Variants in ITGAV observed in about 807,000 individuals in gnomAD.
ITGAV encodes integrin alpha-V.
Under a neutral mutation model 143.8 loss-of-function variants are expected in ITGAV, and 76 were observed. The observed-to-expected ratio is 0.53, with a 90% confidence interval of 0.44 to 0.64. The LOEUF is 0.64. Ranked by LOEUF, ITGAV falls within the 30% of genes least tolerant of loss-of-function variation. The probability of loss-of-function intolerance (pLI) is 0.00; values close to 1 mark genes in which losing one functional copy is unlikely to be tolerated. For synonymous variants in ITGAV, 453 were observed against 446.7 expected, an observed-to-expected ratio of 1.01 and a Z score of -0.18; for missense variants, 1,193 against 1,274.7, an observed-to-expected ratio of 0.94 and a Z score of 0.98.
In ITGAV at chr2:186,677,796, T is replaced by A. The variant is rs1395705418; in HGVS notation, c.*504T>A. The A allele has an allele frequency of 6.5e-6, 1 of 152,956 alleles. No individual in the cohort carries two copies. The highest frequency in any genetic ancestry group is 1.9e-4 in the East Asian group (1 of 5,200). 9.5% of individuals were successfully genotyped at this position (152,956 alleles called of 1,614,324 possible). A position where few individuals can be genotyped will look rare whatever the true frequency, so the allele number is the denominator to read the frequency against. On this transcript the variant is annotated 3_prime_UTR_variant, in exon 30 of 30. Transcript: ENST00000261023. ...GACTTTATAACTGCATGAACTTGGATTTTTTTAATCACTCATATGGTAGAA... is the reference window on the plus strand; with the variant it reads ...GACTTTATAACTGCATGAACTTGGAATTTTTTAATCACTCATATGGTAGAA...
At chr2:186,596,059 T>C (rs996861801) in intron 1 of ITGAV, among the ~76,000 whole-genome samples, 10 of 152,234 alleles carry the variant, frequency 6.6e-5, no homozygotes, top group African/African-American at 2.4e-4. Flanking sequence ...ATTAATGGCA[T>C]CAATTGTTTT....
At position 186,678,837 on chromosome 2, in the gene ITGAV, A is replaced by G. The variant is rs200952292; in HGVS notation, c.*1545A>G. 9.5e-6 allele frequency: 4 copies of G among 420,176 alleles called. No individual in the cohort carries two copies. Among genetic ancestry groups the G allele is most frequent in the Non-Finnish European group, 1.9e-5 (4 of 212,988 alleles). 26.0% of individuals were successfully genotyped at this position (420,176 alleles called of 1,614,324 possible). A position where few individuals can be genotyped will look rare whatever the true frequency, so the allele number is the denominator to read the frequency against. On this transcript the variant is annotated 3_prime_UTR_variant, in exon 30 of 30. Transcript: ENST00000261023. ...AAATATTTCCCTTAAATAATTGACT[A>G]TTTTGCTGTGTTTTAAAAATGATTG...
At chr2:186,663,097 G>A (rs1260856807) in intron 18 of ITGAV, among the ~76,000 whole-genome samples, 2 of 151,884 alleles carry the variant, frequency 1.3e-5, no homozygotes, top group Non-Finnish European at 2.9e-5. Context: ...TGCTCTAGCT[G>A]GAACATTCTC....
chr2:186,595,426 T>C (rs946668553), intron 1 of ITGAV, among the ~76,000 whole-genome samples: 15 of 152,194 alleles, frequency 9.9e-5, no homozygotes, highest in Non-Finnish European at 1.9e-4. Context: ...ATCCTCCTGA[T>C]TGGTTCCTCT....
At chr2:186,605,834 T>G (rs1687049707) in intron 2 of ITGAV, among the ~76,000 whole-genome samples, 1 of 148,784 alleles carries the variant, frequency 6.7e-6, no homozygotes, top group African/African-American at 2.4e-5. Flanking sequence ...CATATATTCT[T>G]ATGTATATGT....
At chr2:186,675,520 A>G in intron 26 of ITGAV, 84 bp from the exon 27 acceptor site, 2 of 967,788 alleles carry the variant, frequency 2.1e-6, no homozygotes, top group Non-Finnish European at 3.3e-6. Context: ...CCATCACACA[A>G]AAAGAAAAAA....
intron 5 of ITGAV, among the ~76,000 whole-genome samples, chr2:186,633,002 T>G (rs1687853940): frequency 6.6e-6 from 1 of 151,646 alleles, no homozygotes; most frequent in African/African-American, 2.4e-5. Flanking sequence ...GATAGATAGA[T>G]ACATAGACAG....
chr2:186,625,678 T>TGTGTGAGAGA (rs5836988), intron 4 of ITGAV, 91 bp downstream of exon 4: 1 of 451,372 alleles, frequency 2.2e-6, no homozygotes, highest in Non-Finnish European at 4.0e-6. Context: ...TGTGTGTGTG[T>TGTGTGAGAGA]GAGAGAGAGA....
chr2:186,616,328 G>T (rs1029181169), intron 2 of ITGAV, among the ~76,000 whole-genome samples: 5 of 139,732 alleles, frequency 3.6e-5, no homozygotes, highest in African/African-American at 1.3e-4. Context: ...GCCCAGGCTG[G>T]AGTGCAGTGG....
intron 14 of ITGAV, 95 bp downstream of exon 14, chr2:186,649,980 C>T: frequency 1.3e-6 from 1 of 793,100 alleles, no homozygotes; most frequent in Non-Finnish European, 1.9e-6. Context: ...GTTTAATTTT[C>T]TTGAAATAAT....
intron 12 of ITGAV, among the ~76,000 whole-genome samples, chr2:186,646,199 C>T (rs536136701): frequency 1.3e-5 from 2 of 152,050 alleles, no homozygotes; most frequent in Non-Finnish European, 2.9e-5. Context: ...TCACAACTTA[C>T]GAATTTCTGA....
At chr2:186,600,469 A>G (rs1686869443) in intron 1 of ITGAV, 8 of 1,500,154 alleles carry the variant, frequency 5.3e-6, no homozygotes, top group Non-Finnish European at 7.2e-6. Flanking sequence ...CCTTAGAGAG[A>G]CTTTCCTTTA....
At chr2:186,677,130 A>G in intron 29 of ITGAV, 67 bp from the exon 30 acceptor site, 2 of 1,417,024 alleles carry the variant, frequency 1.4e-6, no homozygotes, top group South Asian at 1.2e-5. Context: ...TAATATAGTC[A>G]CCCAAAAAAT....
At chr2:186,636,284 G>GA in intron 7 of ITGAV, 77 bp downstream of exon 7, 1 of 1,144,442 alleles carries the variant, frequency 8.7e-7, no homozygotes, top group South Asian at 1.7e-5. Context: ...CTTTTAAGTA[G>GA]AAAAATATTT....
Position 186,622,409 on chromosome 2 carries a change from G to T in ITGAV, c.387G>T (p.Arg129Ser). ...ATCAGTGGTTTGGAGCATCTGTGAG[G>T]TCGAAACAGGATAAAATTTTGGTGA... ...KSHQWFGASV[R>S]SKQDKILACA... The change falls in exon 3 of 30, where the codon AGG becomes AGT. Residue 129 changes from arginine to serine, a missense_variant. Arg to Ser is a moderately radical substitution (Grantham distance 110). Coordinates refer to ENST00000261023, the MANE Select transcript of ITGAV (RefSeq NM_002210.5). 6.2e-7 allele frequency: 1 copy of T among 1,612,830 alleles called. No individual in the cohort carries two copies. The highest frequency in any genetic ancestry group is 8.5e-7 in the Non-Finnish European group (1 of 1,178,854).
intron 24 of ITGAV, 71 bp downstream of exon 24, chr2:186,667,847 T>A (rs1274999377): frequency 8.9e-5 from 68 of 766,008 alleles, no homozygotes; most frequent in South Asian, 1.1e-4. Context: ...TAAGCTACTT[T>A]AAAAAAAAAA....
chr2:186,640,469 T>A (rs1688071147), intron 10 of ITGAV, among the ~76,000 whole-genome samples: 1 of 152,228 alleles, frequency 6.6e-6, no homozygotes, highest in Non-Finnish European at 1.5e-5. Flanking sequence ...TAATAATTAT[T>A]ATCTATTATC....
rs1689256863 is a variant in ITGAV at position 186,677,815 on chromosome 2, G to T, written c.*523G>T. Reference sequence around the variant, plus strand: ...CTTGGATTTTTTTAATCACTCATATGGTAGAATTTTATAAACACATACATG... The same window carrying T: ...CTTGGATTTTTTTAATCACTCATATTGTAGAATTTTATAAACACATACATG... On this transcript the variant is annotated 3_prime_UTR_variant, in exon 30 of 30. Coordinates refer to ENST00000261023, the MANE Select transcript of ITGAV (RefSeq NM_002210.5). 1 of 152,450 alleles carries T rather than the reference G, an allele frequency of 6.6e-6. No homozygotes were observed. Among genetic ancestry groups the T allele is most frequent in the Non-Finnish European group, 1.5e-5 (1 of 68,116 alleles). The allele number at this position is 152,450 out of a possible 1,614,324, so 9.4% of individuals were successfully genotyped here.
intron 13 of ITGAV, 150 bp downstream of exon 13, chr2:186,647,027 C>T (rs1432323183): frequency 2.0e-5 from 12 of 587,138 alleles, no homozygotes; most frequent in Admixed American, 1.1e-4. Context: ...GCATCATTCC[C>T]GTCACCTAAG....
Sources: allele counts gnomAD v4.1 joint callset (sites outside exome capture counted in the v4.1 genomes callset), GRCh38; gene constraint gnomAD v4.1.1; transcripts MANE v1.5; gene names NCBI Gene and HGNC (gene_info 2026-07-23, HGNC 2026-07-21).